The following MGAT5B variants were observed in gnomAD, a reference collection of about 807,000 sequenced individuals.
MGAT5B encodes the protein alpha-1,6-mannosylglycoprotein 6-beta-N-acetylglucosaminyltransferase B, also known as N-acetylglucosaminyl-transferase Vb.
MGAT5B carries 54 observed loss-of-function variants against 95.1 expected under a neutral mutation model. The observed-to-expected ratio is 0.57, with a 90% CI of 0.46 to 0.71. The LOEUF (loss-of-function observed/expected upper bound fraction) is 0.71, where lower values mean the gene tolerates loss of function less well. MGAT5B is among the 30% of genes least tolerant of loss of function. MGAT5B has a pLI of 0.00. For synonymous variants in MGAT5B, 464 were observed against 451.0 expected (o/e 1.03, Z -0.36); for missense variants, 935 against 1,088.6 (o/e 0.86, Z 1.99).
At chr17:76,902,990 G>T (rs62085672) in intron 4 of MGAT5B, among the ~76,000 whole-genome samples, 20,311 of 152,036 alleles carry the variant, frequency 0.13, 1,746 homozygotes, top group African/African-American at 0.22. Context: ...GCAGCGAGCT[G>T]GGGGCTGCAA....
In MGAT5B at chr17:76,889,394, A is replaced by G. The variant is rs1967786754; in HGVS notation, c.329+7096A>G. Among the ~76,000 whole-genome samples, 1 of 152,032 alleles carries G rather than the reference A, an allele frequency of 6.6e-6. No individual in the cohort carries two copies. Among genetic ancestry groups the G allele is most frequent in the Non-Finnish European group, 1.5e-5 (1 of 67,970 alleles). ...GGAGGGAAGAGCTCTCAGGGAACAC[A>G]CCTGATAACCTGGGAAGTCACTGTC... On this transcript the variant is annotated intron_variant, in intron 3 of 17. Transcript: ENST00000569840. This position sits in a 1 kb window ranked among gnomAD's most constrained non-coding sequence, Gnocchi z 4.4.
In MGAT5B at chr17:76,872,651, G is replaced by A. The variant is rs944427981; in HGVS notation, c.69-200G>A. ...TGGTTTCTCGTGTGGCTCGAGGCCA[G>A]CATCTTGTAGTTGAGCTCTCTTTAT... On this transcript the variant is annotated intron_variant, in intron 1 of 17. Coordinates refer to ENST00000569840, the MANE Select transcript of MGAT5B (RefSeq NM_001199172.2). 7.8e-5 allele frequency: 115 copies of A among 1,470,874 alleles called. No individual in the cohort carries two copies. In the South Asian group the frequency reaches 1.5e-3, roughly 19 times the overall value. The allele number at this position is 1,470,874 out of a possible 1,614,324, so 91.1% of individuals were successfully genotyped here. A position where few individuals can be genotyped will look rare whatever the true frequency, so the allele number is the denominator to read the frequency against.
chr17:76,945,207 C>T (rs901325895), intron 15 of MGAT5B, among the ~76,000 whole-genome samples: 1 of 152,196 alleles, frequency 6.6e-6, no homozygotes, highest in South Asian at 2.1e-4. Flanking sequence ...GTCACTCTTC[C>T]CTCCACTCCC....
chr17:76,943,611 G>C (rs1969933983), intron 15 of MGAT5B, among the ~76,000 whole-genome samples: 1 of 120,256 alleles, frequency 8.3e-6, no homozygotes, highest in African/African-American at 3.6e-5. Flanking sequence ...TTTGAATAGA[G>C]ATGGGGTGGG....
chr17:76,925,169 C>T, intron 9 of MGAT5B, 72 bp downstream of exon 9: 1 of 1,585,132 alleles, frequency 6.3e-7, no homozygotes, highest in Non-Finnish European at 8.6e-7. Context: ...CACGCCCTGC[C>T]CCCACGTCCC....
At chr17:76,882,507 C>T (rs902870054) in intron 3 of MGAT5B, 8 of 551,206 alleles carry the variant, frequency 1.5e-5, no homozygotes, top group Non-Finnish European at 2.4e-5. Context: ...TTAAATAAAA[C>T]GTCACAGATG....
chr17:76,935,571 G>T (rs1215472582), intron 12 of MGAT5B, among the ~76,000 whole-genome samples: 4 of 141,750 alleles, frequency 2.8e-5, no homozygotes, highest in Admixed American at 7.1e-5. Flanking sequence ...TAATGATGAA[G>T]ATATTTTTGT....
rs906844033 is a variant in MGAT5B at position 76,870,787 on chromosome 17, C to T, written c.68+1690C>T. On this transcript the variant is annotated intron_variant, in intron 1 of 17. Transcript: ENST00000569840. This position sits in a 1 kb window ranked among gnomAD's most constrained non-coding sequence, Gnocchi z 5.0. ...AATCATAGCACCCCAGCTTATTCAT[C>T]CTCAAAGGCAGGCTGGGGTCCTGTT... 6.6e-6 allele frequency among the ~76,000 whole-genome samples: 1 copy of T among 152,058 alleles called. No individual in the cohort carries two copies. Among genetic ancestry groups the T allele is most frequent in the Non-Finnish European group, 1.5e-5 (1 of 67,998 alleles).
chr17:76,923,030 G>A (rs1969167571), intron 8 of MGAT5B, among the ~76,000 whole-genome samples: 1 of 152,156 alleles, frequency 6.6e-6, no homozygotes. Flanking sequence ...CCCTGTGCTG[G>A]CAGCTTCTCT....
chr17:76,898,476 G>A (rs34504569), intron 3 of MGAT5B, among the ~76,000 whole-genome samples: 12,843 of 120,292 alleles, frequency 0.11, 1,486 homozygotes, highest in African/African-American at 0.34. Context: ...TTACAGGCGC[G>A]CACCACCACA....
At chr17:76,937,136 A>C (rs1969703267) in intron 12 of MGAT5B, among the ~76,000 whole-genome samples, 1 of 152,144 alleles carries the variant, frequency 6.6e-6, no homozygotes, top group South Asian at 2.1e-4. Context: ...GGCCCTAGCA[A>C]TCTCGGATCA....
chr17:76,886,842 G>A (rs1445056982), intron 3 of MGAT5B, among the ~76,000 whole-genome samples: 3 of 152,118 alleles, frequency 2.0e-5, no homozygotes, highest in South Asian at 2.1e-4. Context: ...TCAGGAGTTC[G>A]AGACCAGCCT....
At chr17:76,895,382 C>T (rs80066193) in intron 3 of MGAT5B, among the ~76,000 whole-genome samples, 6,463 of 152,096 alleles carry the variant, frequency 0.042, 176 homozygotes, top group East Asian at 0.059. Context: ...ATCCTGAAAC[C>T]ATCCCCACTG....
rs183135427 is a variant in MGAT5B, at chr17:76,945,022, C to T, written c.1849-1354C>T. ...TGGGGAGGTTGAAGCCTAAAACAGA[C>T]CTTTCTCTGAGTCCGGGATGGCTCC... On this transcript the variant is annotated intron_variant, in intron 15 of 17. Transcript: ENST00000569840. Among the ~76,000 whole-genome samples the T allele has an allele frequency of 3.1e-4, 47 of 152,334 alleles. No homozygotes were observed. The East Asian group carries it at 7.5e-3, about 24-fold the overall frequency.
At chr17:76,875,959 A>T (rs1272475622) in intron 2 of MGAT5B, among the ~76,000 whole-genome samples, 1 of 152,066 alleles carries the variant, frequency 6.6e-6, no homozygotes, top group Non-Finnish European at 1.5e-5. Flanking sequence ...ACAGAACTGA[A>T]GTCCGGGAGA....
In MGAT5B at chr17:76,939,508, G is replaced by A. The variant is rs182271146; in HGVS notation, c.1585-894G>A. ...CAGCCTGGTGACAGAGCAAGACTCCGTCTCAAAATTTTTTTTCAACTTTTA... is the reference window on the plus strand; with the variant it reads ...CAGCCTGGTGACAGAGCAAGACTCCATCTCAAAATTTTTTTTCAACTTTTA... On this transcript the variant is annotated intron_variant, in intron 13 of 17. Coordinates refer to ENST00000569840, the MANE Select transcript of MGAT5B (RefSeq NM_001199172.2). Among the ~76,000 whole-genome samples, 204 of 104,152 alleles carry A rather than the reference G, an allele frequency of 2.0e-3. 2 individuals are homozygous for A. Among genetic ancestry groups the A allele is most frequent in the African/African-American group, 7.4e-3 (189 of 25,686 alleles). 68.3% of individuals were successfully genotyped at this position (104,152 alleles called of 152,430 possible). A position where few individuals can be genotyped will look rare whatever the true frequency, so the allele number is the denominator to read the frequency against.
chr17:76,869,400 C>T lies in MGAT5B; in HGVS notation c.68+303C>T, dbSNP rs1966910259. 6.6e-6 allele frequency among the ~76,000 whole-genome samples: 1 copy of T among 152,036 alleles called. No homozygotes were observed. The highest frequency in any genetic ancestry group is 2.4e-5 in the African/African-American group (1 of 41,380). ...TCGTGGTCCTGGGCCCAGAAAGTTG[C>T]CCCAGCCTGCGCGCCCCTTCCCAGC... is the stretch of plus-strand genomic sequence containing the variant. On this transcript the variant is annotated intron_variant, in intron 1 of 17. Transcript: ENST00000569840. This position sits in a 1 kb window ranked among gnomAD's most constrained non-coding sequence, Gnocchi z 7.0.
At position 76,950,129 on chromosome 17, in the gene MGAT5B, C is replaced by G. The variant is rs1194250229; in HGVS notation, c.*1291C>G. On this transcript the variant is annotated 3_prime_UTR_variant, in exon 18 of 18. Coordinates refer to ENST00000569840, the MANE Select transcript of MGAT5B (RefSeq NM_001199172.2). ...AGGCAACCCCACCCACCAGCCTAGG[C>G]CTGCTCCTCCACCCTTCCCGGGAGG... The G allele has an allele frequency of 2.0e-5, 3 of 152,790 alleles. No individual in the cohort carries two copies. The East Asian group carries it at 5.8e-4, about 30-fold the overall frequency. The allele number at this position is 152,790 out of a possible 1,614,324, so 9.5% of individuals were successfully genotyped here. A position where few individuals can be genotyped will look rare whatever the true frequency, so the allele number is the denominator to read the frequency against.
chr17:76,902,518 C>T (rs1968350402), intron 3 of MGAT5B, 37 bp from the exon 4 acceptor site: 1 of 1,498,188 alleles, frequency 6.7e-7, no homozygotes, highest in Non-Finnish European at 9.1e-7. Flanking sequence ...GTCACCCCGG[C>T]CGGTTCTGTG....
Sources: gnomAD v4.1 joint callset for allele counts (sites outside exome capture counted in the v4.1 genomes callset) on GRCh38, gnomAD v4.1.1 for gene constraint, Gnocchi (gnomAD v3.1) non-coding constraint, MANE v1.5 for transcripts, NCBI Gene and HGNC (gene_info 2026-07-23, HGNC 2026-07-21) for gene names.